Variants in DTNB observed in about 807,000 individuals in gnomAD.
The protein encoded by DTNB is DTN-B.
A neutral mutation model predicts 90.7 loss-of-function variants in DTNB; 63 were observed. That is an observed-to-expected ratio of 0.69 (90% CI 0.57 to 0.86). The LOEUF (loss-of-function observed/expected upper bound fraction) is 0.86. Among genes scored for constraint, DTNB ranks in the 40% least tolerant of loss-of-function variants. The pLI is 0.00. For synonymous variants in DTNB, 277 were observed against 286.7 expected (o/e 0.97, Z 0.34); for missense variants, 744 against 807.1 (o/e 0.92, Z 0.95).
chr2:25,545,471 AT>A (rs902749244), intron 8 of DTNB, among the ~76,000 whole-genome samples: 4 of 151,956 alleles, frequency 2.6e-5, no homozygotes, highest in Non-Finnish European at 5.9e-5. Context: ...CTACAGAGGG[AT>A]TTTTTTTGTC....
At chr2:25,470,471 G>A (rs916294581) in intron 10 of DTNB, among the ~76,000 whole-genome samples, 1 of 151,274 alleles carries the variant, frequency 6.6e-6, no homozygotes, top group Admixed American at 6.6e-5. Context: ...TGCCTCCCAG[G>A]TTCAGGCAAT....
At chr2:25,467,428 A>G (rs565316877) in intron 10 of DTNB, among the ~76,000 whole-genome samples, 6 of 151,852 alleles carry the variant, frequency 4.0e-5, no homozygotes, top group Middle Eastern at 6.8e-3. Context: ...TCTCTAGAGT[A>G]GCTGGGACTA....
At chr2:25,457,564 C>T (rs2060239313) in intron 10 of DTNB, among the ~76,000 whole-genome samples, 1 of 152,150 alleles carries the variant, frequency 6.6e-6, no homozygotes, top group Non-Finnish European at 1.5e-5. Context: ...GCTTGCATTG[C>T]TTTTAATCCT....
At chr2:25,388,473 T>C in intron 16 of DTNB, 112 bp from the exon 17 acceptor site, 1 of 1,359,554 alleles carries the variant, frequency 7.4e-7, no homozygotes, top group Non-Finnish European at 9.8e-7. Flanking sequence ...CTCAGTTCAG[T>C]GGTACAAGAT....
chr2:25,388,171 C>G, intron 17 of DTNB, 31 bp downstream of exon 17: 7 of 1,547,850 alleles, frequency 4.5e-6, no homozygotes, highest in Non-Finnish European at 1.7e-6. Context: ...ATCCCTTCAG[C>G]TCCCCGCTGA....
intron 6 of DTNB, among the ~76,000 whole-genome samples, chr2:25,589,846 A>C (rs910359644): frequency 2.0e-5 from 3 of 151,766 alleles, no homozygotes; most frequent in African/African-American, 7.3e-5. Context: ...CGTTCCACCC[A>C]CTCGGCCTGG....
chr2:25,478,650 T>A (rs1231608868), intron 10 of DTNB, among the ~76,000 whole-genome samples: 1 of 152,050 alleles, frequency 6.6e-6, no homozygotes, highest in Non-Finnish European at 1.5e-5. Context: ...TCCTCCTACC[T>A]CAGCCTCCTC....
At chr2:25,526,395 A>ATATATATATATTTTTTTTTTT in intron 9 of DTNB, among the ~76,000 whole-genome samples, 1 of 49,826 alleles carries the variant, frequency 2.0e-5, no homozygotes, top group African/African-American at 9.8e-5. Context: ...ATATATATAT[A>ATATATATATATTTTTTTTTTT]TTTTTTTTTT....
rs996005540 is a variant in DTNB, at chr2:25,387,947, C to T, written c.1735+255G>A. ...CAAAGCCCAAAGGACAAAGCACTTC[C>T]AATAATCCAGAAAAAAGGGCAGAGA... On this transcript the variant is annotated intron_variant, in intron 17 of 20. Transcript: ENST00000406818. The surrounding 1 kb of genome is among the most constrained non-coding windows in gnomAD (Gnocchi z 4.5). Among the ~76,000 whole-genome samples the T allele has an allele frequency of 6.6e-6, 1 of 152,208 alleles. No homozygotes were observed. The highest frequency in any genetic ancestry group is 2.4e-5 in the African/African-American group (1 of 41,458).
chr2:25,581,058 T>C (rs1206536503), intron 6 of DTNB, among the ~76,000 whole-genome samples: 1 of 152,210 alleles, frequency 6.6e-6, no homozygotes, highest in Non-Finnish European at 1.5e-5. Flanking sequence ...GTCAACTGTA[T>C]AAGGTAAACT....
intron 16 of DTNB, among the ~76,000 whole-genome samples, chr2:25,392,016 CA>C (rs2041257271): frequency 6.6e-6 from 1 of 152,036 alleles, no homozygotes; most frequent in Admixed American, 6.6e-5. Context: ...ACTGGAGAAA[CA>C]AGAACAATCC....
intron 10 of DTNB, among the ~76,000 whole-genome samples, chr2:25,469,923 T>C (rs1411789777): frequency 6.6e-6 from 1 of 152,146 alleles, no homozygotes; most frequent in African/African-American, 2.4e-5. Context: ...TGCAATATCA[T>C]CTGCTAAAAT....
chr2:25,636,461 G>A (rs1054239839), intron 3 of DTNB, among the ~76,000 whole-genome samples: 1 of 152,194 alleles, frequency 6.6e-6, no homozygotes, highest in Middle Eastern at 3.4e-3. Flanking sequence ...CACTCCACAC[G>A]TAGACTACTG....
chr2:25,530,532 T>G (rs904845797), intron 9 of DTNB, among the ~76,000 whole-genome samples: 1 of 152,222 alleles, frequency 6.6e-6, no homozygotes, highest in Non-Finnish European at 1.5e-5. Flanking sequence ...TATTAGTAGA[T>G]TTAAAACCCA....
At chr2:25,647,253 C>T (rs1045773535) in intron 2 of DTNB, among the ~76,000 whole-genome samples, 5 of 152,016 alleles carry the variant, frequency 3.3e-5, no homozygotes, top group Non-Finnish European at 7.4e-5. Context: ...GTACATGCAT[C>T]CAAGAATTAA....
chr2:25,386,983 T>C (rs1294973956), intron 18 of DTNB, among the ~76,000 whole-genome samples: 1 of 152,144 alleles, frequency 6.6e-6, no homozygotes, highest in Non-Finnish European at 1.5e-5. Flanking sequence ...AAAGTACAGA[T>C]GGAAGACGAG....
rs1262228474 is a variant in DTNB, at chr2:25,548,286, T to C, written c.877-16689A>G. ...TTTTCATCAAGTATCATTTGAGATG[T>C]AAAGCATAGGTTTAGGTACATTGTG... is the stretch of plus-strand genomic sequence containing the variant. On this transcript the variant is annotated intron_variant, in intron 8 of 20. Coordinates refer to ENST00000406818, the MANE Select transcript of DTNB (RefSeq NM_021907.5). Among the ~76,000 whole-genome samples the C allele has an allele frequency of 2.0e-5, 3 of 152,210 alleles. No individual in the cohort carries two copies. In the East Asian group the frequency reaches 5.8e-4, roughly 29 times the overall value.
intron 5 of DTNB, among the ~76,000 whole-genome samples, chr2:25,607,028 A>G (rs889410005): frequency 6.6e-6 from 1 of 152,218 alleles, no homozygotes; most frequent in Non-Finnish European, 1.5e-5. Flanking sequence ...TTTCTCACTA[A>G]AAAGGACTAA....
intron 5 of DTNB, among the ~76,000 whole-genome samples, chr2:25,603,622 T>C (rs936507745): frequency 1.3e-5 from 2 of 150,480 alleles, no homozygotes; most frequent in South Asian, 2.1e-4. Flanking sequence ...GAGAAAATCA[T>C]AGGAAAAATT....
Sources: gnomAD v4.1 joint callset for allele counts (sites outside exome capture counted in the v4.1 genomes callset) on GRCh38, gnomAD v4.1.1 for gene constraint, Gnocchi (gnomAD v3.1) non-coding constraint, MANE v1.5 for transcripts, NCBI Gene and HGNC (gene_info 2026-07-23, HGNC 2026-07-21) for gene names.